TAFA5: variants seen among roughly 807,000 people sequenced by gnomAD.
TAFA5 encodes TAFA chemokine like family member 5, also known as chemokine-like protein TAFA-5.
In TAFA5, 6 loss-of-function variants were observed where a neutral mutation model predicts 15.3. The observed-to-expected ratio is 0.39, with a 90% CI of 0.21 to 0.77. The LOEUF (loss-of-function observed/expected upper bound fraction) is 0.77. Ranked by LOEUF, TAFA5 falls within the 30% of genes least tolerant of loss-of-function variation. The pLI is 0.41. For missense variants in TAFA5, 161 were observed against 193.1 expected, an observed-to-expected ratio of 0.83 and a Z score of 0.98; for synonymous variants, 103 against 80.7, an observed-to-expected ratio of 1.28 and a Z score of -1.48.
In TAFA5 at chr22:48,550,771, G is replaced by A. The variant is rs937338315; in HGVS notation, c.112+61067G>A. On this transcript the variant is annotated intron_variant, in intron 1 of 3. Coordinates refer to ENST00000402357, the MANE Select transcript of TAFA5 (RefSeq NM_001082967.3). This position sits in a 1 kb window ranked among gnomAD's most constrained non-coding sequence, Gnocchi z 4.1. The stretch of plus-strand genomic sequence containing the variant: ...CCCTACTCTGATCCACGGGTGTCTG[G>A]GCTCCAGAAAGCTTTCTCTGACCTT... Among the ~76,000 whole-genome samples the A allele has an allele frequency of 1.3e-5, 2 of 152,082 alleles. No homozygotes were observed. The highest frequency in any genetic ancestry group is 4.8e-5 in the African/African-American group (2 of 41,412).
chr22:48,584,111 C>T (rs908543724), intron 1 of TAFA5, among the ~76,000 whole-genome samples: 8 of 149,050 alleles, frequency 5.4e-5, no homozygotes, highest in African/African-American at 7.4e-5. Context: ...ACACACACCA[C>T]ACACACACAC....
chr22:48,636,588 G>A (rs1054049892), intron 1 of TAFA5, among the ~76,000 whole-genome samples: 1 of 151,120 alleles, frequency 6.6e-6, no homozygotes, highest in African/African-American at 2.4e-5. Flanking sequence ...GTGGGCCTGT[G>A]TGGATCGCTC....
intron 1 of TAFA5, among the ~76,000 whole-genome samples, chr22:48,583,026 A>ACAG (rs1924143629): frequency 6.7e-6 from 1 of 148,508 alleles, no homozygotes; most frequent in Admixed American, 6.7e-5. Context: ...CACACACCAC[A>ACAG]TGCAAAATAC....
chr22:48,613,198 G>T (rs976622394), intron 1 of TAFA5, among the ~76,000 whole-genome samples: 3 of 152,100 alleles, frequency 2.0e-5, no homozygotes, highest in Admixed American at 6.6e-5. Flanking sequence ...TCTGAGTCAC[G>T]CCGTATTCCT....
chr22:48,559,834 G>C (rs906344658), intron 1 of TAFA5, among the ~76,000 whole-genome samples: 10 of 152,140 alleles, frequency 6.6e-5, no homozygotes, highest in Non-Finnish European at 1.5e-5. Flanking sequence ...GGATGCAGGG[G>C]CAGCGCCACA....
At chr22:48,581,519 G>A (rs549841685) in intron 1 of TAFA5, among the ~76,000 whole-genome samples, 4 of 152,306 alleles carry the variant, frequency 2.6e-5, no homozygotes, top group Admixed American at 6.5e-5. Flanking sequence ...GTTTTTGCCC[G>A]TCTCTGGGCG....
chr22:48,519,541 T>C (rs916331409), intron 1 of TAFA5, among the ~76,000 whole-genome samples: 1 of 151,774 alleles, frequency 6.6e-6, no homozygotes, highest in Non-Finnish European at 1.5e-5. Context: ...CCTCCTTGAA[T>C]GCAGACTCGG....
intron 1 of TAFA5, among the ~76,000 whole-genome samples, chr22:48,583,635 C>T (rs1340842438): frequency 2.9e-4 from 1 of 3,476 alleles, no homozygotes; most frequent in East Asian, 7.5e-3. Flanking sequence ...ACACCATACA[C>T]AAACCACACA....
intron 2 of TAFA5, among the ~76,000 whole-genome samples, chr22:48,672,851 T>C (rs960910131): frequency 6.6e-6 from 1 of 152,222 alleles, no homozygotes. Flanking sequence ...ATCAGAGCAA[T>C]TATTCTCCAT....
chr22:48,617,205 G>A (rs1041200438), intron 1 of TAFA5, among the ~76,000 whole-genome samples: 3 of 149,538 alleles, frequency 2.0e-5, no homozygotes, highest in African/African-American at 7.3e-5. Context: ...ATCCAGGTGG[G>A]TCTCACAGGC....
At chr22:48,673,986 ACCTCACATCTGGACTTTTTGCCCG>A (rs1927885431) in intron 2 of TAFA5, among the ~76,000 whole-genome samples, 5 of 150,888 alleles carry the variant, frequency 3.3e-5, no homozygotes, top group Non-Finnish European at 7.4e-5. Flanking sequence ...CCCTTTGCCC[ACCTCACATCTGGACTTTTTGCCCG>A]CCTCACATCT....
At chr22:48,616,516 G>A (rs1420540642) in intron 1 of TAFA5, among the ~76,000 whole-genome samples, 2 of 152,328 alleles carry the variant, frequency 1.3e-5, no homozygotes, top group African/African-American at 4.8e-5. Flanking sequence ...GGATGCTCCT[G>A]GAGCCTGGCC....
At chr22:48,682,479 G>A (rs116945510) in intron 2 of TAFA5, among the ~76,000 whole-genome samples, 1,528 of 152,288 alleles carry the variant, frequency 0.01, 11 homozygotes, top group Non-Finnish European at 0.015. Context: ...GTGACCCCAC[G>A]TCCCACAGGA....
Position 48,598,137 on chromosome 22 carries a change from G to T in TAFA5, c.113-48460G>T, listed in dbSNP as rs1197407772. ...AGACGCAGCGAGAGGTGCAGCTGGC[G>T]TCGTGAGGCCTCCGCTGGAGAATTC... On this transcript the variant is annotated intron_variant, in intron 1 of 3. Coordinates refer to ENST00000402357, the MANE Select transcript of TAFA5 (RefSeq NM_001082967.3). The surrounding 1 kb of genome is among the most constrained non-coding windows in gnomAD (Gnocchi z 4.0). Among the ~76,000 whole-genome samples the T allele has an allele frequency of 6.6e-6, 1 of 152,194 alleles. No individual in the cohort carries two copies. Among genetic ancestry groups the T allele is most frequent in the Admixed American group, 6.5e-5 (1 of 15,288 alleles).
chr22:48,518,778 G>T (rs1921504931), intron 1 of TAFA5, among the ~76,000 whole-genome samples: 1 of 152,198 alleles, frequency 6.6e-6, no homozygotes, highest in Admixed American at 6.5e-5. Flanking sequence ...GGAGTGCTGT[G>T]CCCAGGGTCA....
chr22:48,496,777 TG>T (rs1928341737), intron 1 of TAFA5, among the ~76,000 whole-genome samples: 1 of 152,132 alleles, frequency 6.6e-6, no homozygotes, highest in South Asian at 2.1e-4. Context: ...CCTGGTTTCC[TG>T]GGGGTTAACG....
intron 2 of TAFA5, among the ~76,000 whole-genome samples, chr22:48,655,827 A>ATTTTT (rs1927217579): frequency 1.1e-5 from 1 of 89,434 alleles, no homozygotes; most frequent in African/African-American, 5.1e-5. Flanking sequence ...CCAAACACTG[A>ATTTTT]TTCTTTTTTT....
At chr22:48,685,474 G>A (rs948176705) in intron 2 of TAFA5, among the ~76,000 whole-genome samples, 1 of 152,190 alleles carries the variant, frequency 6.6e-6, no homozygotes, top group East Asian at 1.9e-4. Context: ...ATTTCCTTTA[G>A]AGCCTGCTAT....
intron 1 of TAFA5, among the ~76,000 whole-genome samples, chr22:48,495,044 G>C (rs1928278492): frequency 6.6e-6 from 1 of 152,234 alleles, no homozygotes; most frequent in Non-Finnish European, 1.5e-5. Context: ...GCATCCTGCG[G>C]GACGGTGGGT....
Sources: allele counts gnomAD v4.1 joint callset (sites outside exome capture counted in the v4.1 genomes callset), GRCh38; gene constraint gnomAD v4.1.1; non-coding constraint Gnocchi (gnomAD v3.1); transcripts MANE v1.5; gene names NCBI Gene and HGNC (gene_info 2026-07-23, HGNC 2026-07-21).